Variants in ROBO2 observed in about 807,000 individuals in gnomAD.
ROBO2 encodes roundabout homolog 2.
Under a neutral mutation model 160.8 loss-of-function variants are expected in ROBO2, and 53 were observed. The ratio of observed to expected loss-of-function variants is 0.33; its 90% CI spans 0.26 to 0.41. The LOEUF is 0.41. ROBO2 is among the 10% of genes least tolerant of loss of function. The pLI is 1.00. For synonymous variants in ROBO2, 664 were observed against 611.7 expected, an observed-to-expected ratio of 1.09 and a Z score of -1.26; for missense variants, 1,577 against 1,722.4, an observed-to-expected ratio of 0.92 and a Z score of 1.49.
At chr3:77,552,945 C>A (rs2092971914) in intron 8 of ROBO2, among the ~76,000 whole-genome samples, 1 of 151,844 alleles carries the variant, frequency 6.6e-6, no homozygotes, top group African/African-American at 2.4e-5. Context: ...AATTGTAGAG[C>A]CATTTGAAAT....
chr3:75,991,142 A>G (rs556574638), intron 2 of ROBO2, among the ~76,000 whole-genome samples: 7 of 152,206 alleles, frequency 4.6e-5, no homozygotes, highest in South Asian at 2.1e-4. Context: ...GCCAAGTCCC[A>G]TAATAAATCT....
chr3:77,261,583 T>C (rs568081135), intron 2 of ROBO2, among the ~76,000 whole-genome samples: 2 of 152,152 alleles, frequency 1.3e-5, no homozygotes, highest in East Asian at 3.9e-4. Context: ...CATGACAAGA[T>C]TACTATTCAT....
intron 2 of ROBO2, among the ~76,000 whole-genome samples, chr3:77,437,497 A>G (rs2079416921): frequency 6.6e-6 from 1 of 151,960 alleles, no homozygotes; most frequent in Admixed American, 6.6e-5. Context: ...AGTATTAATT[A>G]ACAATTTATT....
intron 2 of ROBO2, among the ~76,000 whole-genome samples, chr3:76,390,589 G>A (rs1187327846): frequency 6.6e-6 from 1 of 152,124 alleles, no homozygotes; most frequent in Admixed American, 6.5e-5. Flanking sequence ...GCCCACATTA[G>A]TTAAGTAGTT....
At chr3:76,879,646 T>A (rs1427530963) in intron 2 of ROBO2, among the ~76,000 whole-genome samples, 1 of 152,054 alleles carries the variant, frequency 6.6e-6, no homozygotes, top group Non-Finnish European at 1.5e-5. Context: ...AGGGATACAG[T>A]AATAGAACAA....
At chr3:76,317,492 A>T (rs2072132011) in intron 2 of ROBO2, among the ~76,000 whole-genome samples, 1 of 152,158 alleles carries the variant, frequency 6.6e-6, no homozygotes, top group Non-Finnish European at 1.5e-5. Flanking sequence ...TTCAAAAGTA[A>T]TTTATAATGT....
At chr3:76,792,659 C>G (rs1287707833) in intron 2 of ROBO2, among the ~76,000 whole-genome samples, 1 of 151,112 alleles carries the variant, frequency 6.6e-6, no homozygotes. Flanking sequence ...TTCACTATGT[C>G]TAAAATATAA....
At chr3:76,482,911 T>C (rs1260548363) in intron 2 of ROBO2, among the ~76,000 whole-genome samples, 1 of 152,192 alleles carries the variant, frequency 6.6e-6, no homozygotes, top group African/African-American at 2.4e-5. Flanking sequence ...ATGGGACTTA[T>C]TACAAACTCA....
chr3:76,732,144 AGC>A (rs1277244690), intron 2 of ROBO2, among the ~76,000 whole-genome samples: 2 of 152,152 alleles, frequency 1.3e-5, no homozygotes, highest in African/African-American at 2.4e-5. Context: ...AGAAAACTTT[AGC>A]AAGAAAGTGA....
At chr3:77,625,845 G>C (rs1434825216) in intron 23 of ROBO2, among the ~76,000 whole-genome samples, 4 of 152,042 alleles carry the variant, frequency 2.6e-5, no homozygotes, top group African/African-American at 9.7e-5. Context: ...TTTACTATCT[G>C]TCATTTTACA....
chr3:77,373,152 A>G (rs926949249), intron 2 of ROBO2, among the ~76,000 whole-genome samples: 2 of 147,252 alleles, frequency 1.4e-5, no homozygotes, highest in Non-Finnish European at 3.0e-5. Context: ...AAATTATTAT[A>G]AAATTATTAT....
chr3:77,165,839 A>T (rs1321017943), intron 2 of ROBO2, among the ~76,000 whole-genome samples: 1 of 152,164 alleles, frequency 6.6e-6, no homozygotes, highest in African/African-American at 2.4e-5. Flanking sequence ...TTCTGACTCC[A>T]TAGAGCTGTC....
intron 2 of ROBO2, among the ~76,000 whole-genome samples, chr3:76,423,433 C>G (rs4856030): frequency 0.55 from 82,957 of 151,900 alleles, 22,737 homozygotes; most frequent in Admixed American, 0.57. Context: ...CAAGACAACA[C>G]GGAAAGAGAA....
intron 2 of ROBO2, among the ~76,000 whole-genome samples, chr3:77,352,553 G>T (rs962556322): frequency 1.3e-5 from 2 of 149,472 alleles, no homozygotes; most frequent in Non-Finnish European, 3.0e-5. Flanking sequence ...CATTTGGTAA[G>T]CCATGAAGAA....
rs1334362462 is a variant in ROBO2 at position 76,358,420 on chromosome 3, C to T, written c.109+420818C>T. On this transcript the variant is annotated intron_variant, in intron 2 of 26. Coordinates refer to the ROBO2 transcript ENST00000487694. Reference sequence around the variant, plus strand: ...TCATTCTAATAGTGTTGGTTTTACCCTTTTACTAGAGTACTAACTTGTTAT... The same window carrying T: ...TCATTCTAATAGTGTTGGTTTTACCTTTTTACTAGAGTACTAACTTGTTAT... 3.9e-5 allele frequency among the ~76,000 whole-genome samples: 6 copies of T among 151,920 alleles called. No individual in the cohort carries two copies. The East Asian group carries it at 1.2e-3, about 30-fold the overall frequency.
At chr3:76,543,719 T>A (rs2082940616) in intron 2 of ROBO2, among the ~76,000 whole-genome samples, 1 of 152,172 alleles carries the variant, frequency 6.6e-6, no homozygotes, top group Admixed American at 6.5e-5. Flanking sequence ...CATTTACTAA[T>A]GTTAACTTTT....
chr3:76,139,427 G>T (rs1302252316), intron 2 of ROBO2, among the ~76,000 whole-genome samples: 2 of 152,098 alleles, frequency 1.3e-5, no homozygotes, highest in Non-Finnish European at 2.9e-5. Flanking sequence ...TACTGATGAT[G>T]ATTAAAAGCA....
intron 2 of ROBO2, among the ~76,000 whole-genome samples, chr3:76,001,977 C>G (rs1305628671): frequency 6.6e-6 from 1 of 152,180 alleles, no homozygotes; most frequent in East Asian, 1.9e-4. Flanking sequence ...TCTCTTAGCA[C>G]TATTGTCTTT....
intron 2 of ROBO2, among the ~76,000 whole-genome samples, chr3:76,453,744 A>T (rs993347396): frequency 2.6e-5 from 4 of 152,192 alleles, no homozygotes; most frequent in African/African-American, 9.6e-5. Flanking sequence ...TTTGTATTTT[A>T]AAAAACAAAA....
Sources: gnomAD v4.1 joint callset for allele counts (sites outside exome capture counted in the v4.1 genomes callset) on GRCh38, gnomAD v4.1.1 for gene constraint, MANE v1.5 for transcripts, NCBI Gene and HGNC (gene_info 2026-07-23, HGNC 2026-07-21) for gene names.